DNM3: variants seen among roughly 807,000 people sequenced by gnomAD.
DNM3 encodes dynamin-3.
In DNM3, 47 loss-of-function variants were observed where a neutral mutation model predicts 101.6. The ratio of observed to expected loss-of-function variants is 0.46; its 90% CI spans 0.37 to 0.59. The LOEUF (loss-of-function observed/expected upper bound fraction) is 0.59, where lower values mean the gene tolerates loss of function less well. Ranked by LOEUF, DNM3 falls within the 20% of genes least tolerant of loss-of-function variation. The pLI, the probability that DNM3 is intolerant of heterozygous loss-of-function variation, is 0.00. For missense variants in DNM3, 849 were observed against 1,085.7 expected (o/e 0.78, Z 3.06); for synonymous variants, 385 against 387.9 (o/e 0.99, Z 0.09).
intron 14 of DNM3, among the ~76,000 whole-genome samples, chr1:172,154,832 TTG>T (rs1172057199): frequency 6.6e-6 from 1 of 152,036 alleles, no homozygotes; most frequent in African/African-American, 2.4e-5. Flanking sequence ...ATTCTAGTCT[TTG>T]GTAGGCAGAC....
chr1:171,898,523 A>G (rs2038010775), intron 1 of DNM3, among the ~76,000 whole-genome samples: 1 of 152,178 alleles, frequency 6.6e-6, no homozygotes, highest in African/African-American at 2.4e-5. Flanking sequence ...TTATTAAAGA[A>G]AATACATGTT....
chr1:172,397,976 T>C (rs1012958118), intron 20 of DNM3, among the ~76,000 whole-genome samples: 1 of 152,208 alleles, frequency 6.6e-6, no homozygotes, highest in Admixed American at 6.5e-5. Flanking sequence ...TTGCAGTTCA[T>C]AAATACTTTC....
In DNM3 at chr1:172,409,555, C is replaced by A. The variant is rs1005296579; in HGVS notation, c.*1714C>A. 7.1e-6 allele frequency: 7 copies of A among 985,034 alleles called. No homozygotes were observed. In the East Asian group the frequency reaches 6.8e-4, roughly 96 times the overall value. The allele number at this position is 985,034 out of a possible 1,614,324, so 61.0% of individuals were successfully genotyped here. On this transcript the variant is annotated 3_prime_UTR_variant, in exon 21 of 21. Transcript: ENST00000627582. ...GTGATTGTATAAAAACATCACAATC[C>A]TAAATCCTCTCGTATCTCACCCCAA...
intron 4 of DNM3, among the ~76,000 whole-genome samples, chr1:172,000,126 G>A (rs2046269443): frequency 6.6e-6 from 1 of 152,044 alleles, no homozygotes. Flanking sequence ...AGAGAAGAGG[G>A]CCAGAGACAG....
intron 13 of DNM3, among the ~76,000 whole-genome samples, chr1:172,102,319 G>T (rs2054706718): frequency 6.6e-6 from 1 of 152,010 alleles, no homozygotes; most frequent in Non-Finnish European, 1.5e-5. Context: ...CCAGTCAATA[G>T]CTTGTAAAAT....
At chr1:171,992,977 A>T (rs1320413137) in intron 4 of DNM3, among the ~76,000 whole-genome samples, 1 of 151,698 alleles carries the variant, frequency 6.6e-6, no homozygotes, top group Non-Finnish European at 1.5e-5. Context: ...AATACACAGC[A>T]TTTTGCTCCT....
chr1:172,377,553 C>CATATATATAT (rs34612864), intron 17 of DNM3, among the ~76,000 whole-genome samples: 3,143 of 123,194 alleles, frequency 0.026, 199 homozygotes, highest in African/African-American at 0.093. Context: ...TGATATATAT[C>CATATATATAT]ATATATATAT....
chr1:171,953,021 A>G (rs1482775819), intron 2 of DNM3, among the ~76,000 whole-genome samples: 1 of 152,194 alleles, frequency 6.6e-6, no homozygotes, highest in African/African-American at 2.4e-5. Flanking sequence ...TGATAATTCT[A>G]GGTATTTCCA....
intron 14 of DNM3, among the ~76,000 whole-genome samples, chr1:172,164,325 G>A (rs1219796646): frequency 6.7e-6 from 1 of 149,476 alleles, no homozygotes; most frequent in Admixed American, 6.7e-5. Context: ...TCAGGTTAGG[G>A]TGCTATTACT....
At chr1:172,265,183 AC>A (rs2062811261) in intron 15 of DNM3, among the ~76,000 whole-genome samples, 1 of 151,978 alleles carries the variant, frequency 6.6e-6, no homozygotes, top group Non-Finnish European at 1.5e-5. Flanking sequence ...CACTATATAA[AC>A]TTTAAAAGAG....
intron 15 of DNM3, among the ~76,000 whole-genome samples, chr1:172,275,635 A>G (rs1276633615): frequency 1.3e-5 from 2 of 152,024 alleles, no homozygotes; most frequent in African/African-American, 4.8e-5. Flanking sequence ...CACTCTTGGA[A>G]AACAAATATT....
chr1:172,241,483 T>C (rs1303837921), intron 14 of DNM3, among the ~76,000 whole-genome samples: 2 of 152,162 alleles, frequency 1.3e-5, no homozygotes, highest in Non-Finnish European at 2.9e-5. Context: ...GATATTATTA[T>C]ACTATTTTCA....
chr1:172,109,619 G>A (rs2055309692), intron 13 of DNM3, among the ~76,000 whole-genome samples: 1 of 152,182 alleles, frequency 6.6e-6, no homozygotes, highest in African/African-American at 2.4e-5. Flanking sequence ...TAAAATTACA[G>A]ATGCAAAGCC....
At chr1:172,000,294 C>A (rs192430648) in intron 4 of DNM3, among the ~76,000 whole-genome samples, 56 of 152,146 alleles carry the variant, frequency 3.7e-4, no homozygotes, top group Non-Finnish European at 7.1e-4. Context: ...CCAAATGTGG[C>A]TGAGAGATAG....
intron 14 of DNM3, among the ~76,000 whole-genome samples, chr1:172,164,341 T>C (rs2058672400): frequency 6.6e-6 from 1 of 151,380 alleles, no homozygotes; most frequent in South Asian, 2.1e-4. Flanking sequence ...TTACTTAGTA[T>C]TACAGCCAGA....
At chr1:171,964,499 T>C (rs924640521) in intron 2 of DNM3, among the ~76,000 whole-genome samples, 1 of 152,150 alleles carries the variant, frequency 6.6e-6, no homozygotes, top group Non-Finnish European at 1.5e-5. Flanking sequence ...ACATCTTACA[T>C]GTACCGATGG....
At chr1:172,335,320 T>C (rs930071043) in intron 17 of DNM3, among the ~76,000 whole-genome samples, 9 of 152,246 alleles carry the variant, frequency 5.9e-5, no homozygotes, top group Admixed American at 3.3e-4. Context: ...TCTTCAAATA[T>C]GACAAAATTA....
chr1:172,061,738 A>T (rs1039165443), intron 10 of DNM3, among the ~76,000 whole-genome samples: 3 of 150,874 alleles, frequency 2.0e-5, no homozygotes, highest in African/African-American at 7.3e-5. Context: ...TGGGAGATAT[A>T]CCTAATGCTA....
intron 20 of DNM3, among the ~76,000 whole-genome samples, chr1:172,400,958 T>A (rs530012539): frequency 6.6e-6 from 1 of 152,206 alleles, no homozygotes; most frequent in African/African-American, 2.4e-5. Context: ...CAGATGTTTC[T>A]GAAACTCCTG....
Sources: allele counts gnomAD v4.1 joint callset (sites outside exome capture counted in the v4.1 genomes callset), GRCh38; gene constraint gnomAD v4.1.1; transcripts MANE v1.5; gene names NCBI Gene and HGNC (gene_info 2026-07-23, HGNC 2026-07-21).